The following ENTPD3 variants were observed in gnomAD, a reference collection of about 807,000 sequenced individuals.
ENTPD3 encodes ectonucleoside triphosphate diphosphohydrolase 3.
ENTPD3 carries 60 observed loss-of-function variants against 51.2 expected under a neutral mutation model. The observed-to-expected ratio is 1.17, with a 90% CI of 0.95 to 1.45. ENTPD3 has a LOEUF of 1.45. Among genes scored for constraint, ENTPD3 ranks in the 40% most tolerant of loss-of-function variants. The pLI is 0.00. For synonymous variants in ENTPD3, 221 were observed against 238.4 expected (o/e 0.93, Z 0.67); for missense variants, 593 against 641.1 (o/e 0.93, Z 0.81).
chr3:40,411,337 A>G, intron 4 of ENTPD3, among the ~76,000 whole-genome samples: 1 of 152,048 alleles, frequency 6.6e-6, no homozygotes, highest in Middle Eastern at 3.4e-3. Context: ...AATTATTTTT[A>G]ATTTGTACAG....
intron 4 of ENTPD3, among the ~76,000 whole-genome samples, chr3:40,402,123 C>CTTTCTTT (rs1553643065): frequency 1.5e-4 from 14 of 95,072 alleles, no homozygotes; most frequent in African/African-American, 4.7e-4. Flanking sequence ...TTTTTTTTTT[C>CTTTCTTT]TTTTTTTTTT....
intron 3 of ENTPD3, 38 bp from the exon 4 acceptor site, chr3:40,400,856 C>T: frequency 6.5e-7 from 1 of 1,535,236 alleles, no homozygotes. Context: ...TCAGAGGAGT[C>T]CCGCCCATTC....
At chr3:40,423,671 T>A (rs922206420) in intron 9 of ENTPD3, 155 bp from the exon 10 acceptor site, 3 of 449,768 alleles carry the variant, frequency 6.7e-6, no homozygotes. Flanking sequence ...GATATTTTCA[T>A]AATTATATTG....
At position 40,428,485 on chromosome 3, in the gene ENTPD3, G is replaced by T. The variant is rs892711266; in HGVS notation, c.*977G>T. ...GACTTTGGGGAAAGAAAAGGAAGCT[G>T]CAGGAATATTTATCTCCAAAGTCGA... On this transcript the variant is annotated 3_prime_UTR_variant, in exon 11 of 11. Transcript: ENST00000301825. The T allele has an allele frequency of 1.2e-4, 18 of 152,220 alleles. No homozygotes were observed. The highest frequency in any genetic ancestry group is 4.3e-4 in the African/African-American group (18 of 41,462). 9.4% of individuals were successfully genotyped at this position (152,220 alleles called of 1,614,324 possible).
At chr3:40,388,549 G>T (rs183883263) in intron 2 of ENTPD3, among the ~76,000 whole-genome samples, 1 of 149,700 alleles carries the variant, frequency 6.7e-6, no homozygotes, top group African/African-American at 2.5e-5. Flanking sequence ...AGGCACAAGT[G>T]CAGGATTTTC....
At chr3:40,421,827 T>C (rs1195416921) in intron 7 of ENTPD3, among the ~76,000 whole-genome samples, 1 of 152,144 alleles carries the variant, frequency 6.6e-6, no homozygotes, top group Non-Finnish European at 1.5e-5. Context: ...GGAGAAAATA[T>C]ATATATTTGC....
intron 2 of ENTPD3, among the ~76,000 whole-genome samples, chr3:40,390,275 G>A (rs761964804): frequency 5.9e-5 from 9 of 152,272 alleles, no homozygotes; most frequent in Non-Finnish European, 1.0e-4. Flanking sequence ...ACAGCTCACT[G>A]CAGCCTTGAG....
rs1289345456 is a variant in ENTPD3, at chr3:40,428,081, C to G, written c.*573C>G. 1 of 156,678 alleles carries G rather than the reference C, an allele frequency of 6.4e-6. No homozygotes were observed. The highest frequency in any genetic ancestry group is 2.4e-5 in the African/African-American group (1 of 41,418). The allele number at this position is 156,678 out of a possible 1,614,324, so 9.7% of individuals were successfully genotyped here. The stretch of plus-strand genomic sequence containing the variant: ...CCAGGCTTCTGTCATACAGGTAGAT[C>G]CCGAAGCACAGAGACATAAAAAAGG... On this transcript the variant is annotated 3_prime_UTR_variant, in exon 11 of 11. Coordinates refer to ENST00000301825, the MANE Select transcript of ENTPD3 (RefSeq NM_001248.4).
chr3:40,416,840 C>T (rs1955759596), intron 7 of ENTPD3, among the ~76,000 whole-genome samples: 1 of 152,110 alleles, frequency 6.6e-6, no homozygotes, highest in Admixed American at 6.5e-5. Flanking sequence ...ATCCTGGCTT[C>T]TTATGGGACT....
At chr3:40,396,159 G>A (rs373478020) in intron 3 of ENTPD3, among the ~76,000 whole-genome samples, 9 of 152,150 alleles carry the variant, frequency 5.9e-5, no homozygotes, top group East Asian at 5.8e-4. Flanking sequence ...AGATGAGCTC[G>A]GAAGGTCCAT....
intron 2 of ENTPD3, 36 bp from the exon 3 acceptor site, chr3:40,391,987 T>A (rs1559506845): frequency 6.2e-7 from 1 of 1,611,446 alleles, no homozygotes; most frequent in Non-Finnish European, 8.5e-7. Flanking sequence ...GGTTTTTACC[T>A]CCCCCTCAAG....
At chr3:40,393,958 G>A (rs1955127719) in intron 3 of ENTPD3, among the ~76,000 whole-genome samples, 1 of 140,176 alleles carries the variant, frequency 7.1e-6, no homozygotes, top group Non-Finnish European at 1.5e-5. Context: ...TGAGGCAGGA[G>A]AATGGCGTGA....
chr3:40,401,295 A>C (rs1421314584), intron 4 of ENTPD3, among the ~76,000 whole-genome samples: 1 of 152,198 alleles, frequency 6.6e-6, no homozygotes, highest in Non-Finnish European at 1.5e-5. Context: ...CCATATTTTC[A>C]TGGGTGCTGG....
Position 40,407,572 on chromosome 3 carries a change from AG to A in ENTPD3, c.287-4235del, listed in dbSNP as rs576990931. ...GATAGGCAAGTCGGGAGTTCGGGGG[AG>A]GGGGAGGATGAAGAAATAAAGCTGA... On this transcript the variant is annotated intron_variant, in intron 4 of 10. Transcript: ENST00000301825. Among the ~76,000 whole-genome samples the A allele has an allele frequency of 6.6e-5, 10 of 152,054 alleles. No homozygotes were observed. In the South Asian group the frequency reaches 1.9e-3, roughly 29 times the overall value.
chr3:40,390,528 T>A (rs1420463390), intron 2 of ENTPD3, among the ~76,000 whole-genome samples: 1 of 152,202 alleles, frequency 6.6e-6, no homozygotes, highest in Non-Finnish European at 1.5e-5. Context: ...TTTCATTGAA[T>A]GTCTTTTTAT....
chr3:40,391,686 A>G (rs1435421995), intron 2 of ENTPD3: 5 of 303,378 alleles, frequency 1.6e-5, no homozygotes, highest in Middle Eastern at 1.1e-3. Flanking sequence ...AAAAAAAAAA[A>G]AAAAGAAAAG....
rs1020768002 is a variant in ENTPD3, at chr3:40,405,377, C to T, written c.286+4366C>T. On this transcript the variant is annotated intron_variant, in intron 4 of 10. Transcript: ENST00000301825. ...AAAATTAGCCGGGCTTGGTGGTGGG[C>T]GCCTATAATCCCAGCTTCTCGGGAG... Among the ~76,000 whole-genome samples the T allele has an allele frequency of 3.3e-5, 5 of 151,548 alleles. 1 individual carries two copies. In the South Asian group the frequency reaches 6.3e-4, roughly 19 times the overall value.
At chr3:40,392,589 A>T (rs1955086283) in intron 3 of ENTPD3, 1 of 156,096 alleles carries the variant, frequency 6.4e-6, no homozygotes. Flanking sequence ...AAAAAAAAAA[A>T]AAATTTACCG....
intron 3 of ENTPD3, among the ~76,000 whole-genome samples, chr3:40,395,834 G>T (rs938538184): frequency 6.6e-6 from 1 of 152,182 alleles, no homozygotes; most frequent in African/African-American, 2.4e-5. Context: ...GGCCTGAGGG[G>T]ATGTGGGCAG....
Sources: allele counts gnomAD v4.1 joint callset (sites outside exome capture counted in the v4.1 genomes callset), GRCh38; gene constraint gnomAD v4.1.1; transcripts MANE v1.5; gene names NCBI Gene and HGNC (gene_info 2026-07-23, HGNC 2026-07-21).